NT5DC1: variants seen among roughly 807,000 people sequenced by gnomAD.
NT5DC1 encodes the protein 5'-nucleotidase domain-containing protein 1.
Under a neutral mutation model 59.4 loss-of-function variants are expected in NT5DC1, and 42 were observed. The observed-to-expected ratio is 0.71, with a 90% CI of 0.55 to 0.92. The LOEUF is 0.92. NT5DC1 is among the 40% of genes least tolerant of loss of function. NT5DC1 has a pLI of 0.00. For synonymous variants in NT5DC1, 172 were observed against 188.1 expected (o/e 0.91, Z 0.70); for missense variants, 501 against 537.1 (o/e 0.93, Z 0.66).
At chr6:116,207,566 G>T (rs1781483254) in intron 6 of NT5DC1, among the ~76,000 whole-genome samples, 1 of 151,588 alleles carries the variant, frequency 6.6e-6, no homozygotes, top group African/African-American at 2.4e-5. Context: ...ATTTTATTAT[G>T]ATTATATGTT....
At chr6:116,226,243 A>G (rs1781907491) in intron 8 of NT5DC1, among the ~76,000 whole-genome samples, 7 of 152,224 alleles carry the variant, frequency 4.6e-5, no homozygotes, top group Admixed American at 3.9e-4. Context: ...TAAGTACCCA[A>G]TAAATATTTG....
intron 6 of NT5DC1, chr6:116,121,642 A>G: frequency 1.2e-6 from 2 of 1,613,728 alleles, no homozygotes; most frequent in South Asian, 1.1e-5. Flanking sequence ...CCTGTTGTCC[A>G]GGTTTTCCTG....
chr6:116,123,407 G>A (rs1263819955), intron 6 of NT5DC1, among the ~76,000 whole-genome samples: 1 of 152,192 alleles, frequency 6.6e-6, no homozygotes. Flanking sequence ...TTCAAGATTA[G>A]GGTGGCACAA....
At chr6:116,212,885 A>C (rs979222174) in intron 6 of NT5DC1, among the ~76,000 whole-genome samples, 54 of 152,126 alleles carry the variant, frequency 3.5e-4, no homozygotes, top group Non-Finnish European at 4.4e-5. Context: ...TAAAACATTT[A>C]TGCTGACAAA....
rs893664268 is a variant in NT5DC1 at position 116,210,821 on chromosome 6, G to A, written c.530-10233G>A. On this transcript the variant is annotated intron_variant, in intron 6 of 11. Transcript: ENST00000319550. ...AACACAGGTAAAAAAAACTATATAT[G>A]GTATGCTTAAAATTCCCACAGAGTT... Among the ~76,000 whole-genome samples the A allele has an allele frequency of 2.0e-5, 3 of 152,070 alleles. No homozygotes were observed. In the South Asian group the frequency reaches 6.2e-4, roughly 32 times the overall value.
intron 6 of NT5DC1, among the ~76,000 whole-genome samples, chr6:116,172,958 T>A (rs770757074): frequency 2.0e-5 from 3 of 152,110 alleles, no homozygotes; most frequent in Non-Finnish European, 2.9e-5. Context: ...TAGGATAAAA[T>A]TATATTTATA....
chr6:116,163,135 A>ATATAC (rs1554197048), intron 6 of NT5DC1, among the ~76,000 whole-genome samples: 15 of 98,548 alleles, frequency 1.5e-4, no homozygotes, highest in Non-Finnish European at 2.6e-4. Context: ...TCAAAAAAAA[A>ATATAC]AAAAAAATAT....
intron 6 of NT5DC1, among the ~76,000 whole-genome samples, chr6:116,141,885 AACACACACACACACACACACAC>A (rs3051942): frequency 3.6e-5 from 5 of 140,404 alleles, no homozygotes; most frequent in Admixed American, 7.1e-5. Flanking sequence ...CCAAAAAGAA[AACACACACACACACACACACAC>A]ACACACACAC....
intron 6 of NT5DC1, among the ~76,000 whole-genome samples, chr6:116,204,891 G>C (rs1045149856): frequency 4.6e-5 from 7 of 151,996 alleles, no homozygotes; most frequent in Non-Finnish European, 1.5e-5. Flanking sequence ...TACGTGGCTA[G>C]ATTTTGAAGT....
intron 6 of NT5DC1, among the ~76,000 whole-genome samples, chr6:116,162,285 T>C (rs1346070837): frequency 6.6e-6 from 1 of 152,214 alleles, no homozygotes; most frequent in Non-Finnish European, 1.5e-5. Flanking sequence ...TCCTGCCTGA[T>C]TGCTCTGGCT....
intron 2 of NT5DC1, 30 bp from the exon 3 acceptor site, chr6:116,108,334 T>C (rs376773424): frequency 3.6e-6 from 5 of 1,392,114 alleles, no homozygotes; most frequent in East Asian, 2.3e-5. Context: ...AATATAGGAA[T>C]TGATTAATAA....
intron 6 of NT5DC1, among the ~76,000 whole-genome samples, chr6:116,182,755 T>C (rs1780915404): frequency 1.3e-5 from 2 of 149,358 alleles, no homozygotes; most frequent in Admixed American, 1.3e-4. Flanking sequence ...CTTGCTGATA[T>C]GTTTGAGTTC....
At chr6:116,201,708 G>A (rs528025763) in intron 6 of NT5DC1, among the ~76,000 whole-genome samples, 1 of 152,084 alleles carries the variant, frequency 6.6e-6, no homozygotes, top group South Asian at 2.1e-4. Flanking sequence ...GACATGTGAG[G>A]TCATGGGCAA....
chr6:116,179,261 T>C (rs1780820216), intron 6 of NT5DC1, among the ~76,000 whole-genome samples: 1 of 152,166 alleles, frequency 6.6e-6, no homozygotes, highest in South Asian at 2.1e-4. Flanking sequence ...CCTTATCTTA[T>C]TAATATTACA....
chr6:116,135,873 A>ATATATATGTATGTATATATATATATATG (rs1491111454), intron 6 of NT5DC1, among the ~76,000 whole-genome samples: 1 of 62,198 alleles, frequency 1.6e-5, no homozygotes, highest in African/African-American at 9.2e-5. Flanking sequence ...ATATATATAT[A>ATATATATGTATGTATATATATATATATG]CACACATACA....
At position 116,100,965 on chromosome 6, in the gene NT5DC1, T is replaced by C. The variant is rs568943429; in HGVS notation, c.35T>C (p.Val12Ala). ...AQHFSLAACD[V>A]VGFDLDHTLC... ...CACTTCTCCCTGGCCGCCTGCGACG[T>C]GGTCGGATTCGACCTGGACCACACT... is the stretch of plus-strand genomic sequence containing the variant. Residue 12 changes from valine to alanine, a missense_variant, in exon 1 of 12, where the codon GTG becomes GCG. Val to Ala is a moderately conservative substitution (Grantham distance 64). Transcript: ENST00000319550. 6.2e-7 allele frequency: 1 copy of C among 1,605,094 alleles called. No homozygotes were observed. The highest frequency in any genetic ancestry group is 1.4e-5 in the African/African-American group (1 of 73,224).
At chr6:116,202,559 G>A (rs1397879819) in intron 6 of NT5DC1, among the ~76,000 whole-genome samples, 2 of 151,866 alleles carry the variant, frequency 1.3e-5, no homozygotes, top group Non-Finnish European at 2.9e-5. Context: ...TTCTTTTACA[G>A]ATGCAAATCT....
At chr6:116,194,246 A>G (rs949410814) in intron 6 of NT5DC1, among the ~76,000 whole-genome samples, 3 of 152,120 alleles carry the variant, frequency 2.0e-5, no homozygotes, top group African/African-American at 7.2e-5. Flanking sequence ...ATGTTCTTTC[A>G]AATGACGGAG....
chr6:116,156,314 AT>A (rs1315913457), intron 6 of NT5DC1, among the ~76,000 whole-genome samples: 8 of 152,064 alleles, frequency 5.3e-5, no homozygotes, highest in Middle Eastern at 3.4e-3. Flanking sequence ...GTTAAAAAAA[AT>A]TTTTTTTAGG....
Sources: allele counts gnomAD v4.1 joint callset (sites outside exome capture counted in the v4.1 genomes callset), GRCh38; gene constraint gnomAD v4.1.1; transcripts MANE v1.5; gene names NCBI Gene and HGNC (gene_info 2026-07-23, HGNC 2026-07-21).